The following ATAD2 variants were observed in gnomAD, a reference collection of about 807,000 sequenced individuals.
The protein encoded by ATAD2 is ATPase family AAA domain containing 2.
ATAD2 carries 62 observed loss-of-function variants against 168.9 expected under a neutral mutation model. The observed-to-expected ratio is 0.37, with a 90% CI of 0.30 to 0.45. The LOEUF (loss-of-function observed/expected upper bound fraction) is 0.45. ATAD2 is among the 20% of genes least tolerant of loss of function. The pLI is 1.00. For missense variants in ATAD2, 1,419 were observed against 1,667.8 expected (o/e 0.85, Z 2.60); for synonymous variants, 613 against 571.6 (o/e 1.07, Z -1.03).
intron 1 of ATAD2, among the ~76,000 whole-genome samples, chr8:123,404,565 C>CA (rs1813044613): frequency 7.0e-6 from 1 of 142,892 alleles, no homozygotes; most frequent in Non-Finnish European, 1.5e-5. Flanking sequence ...CTTTCTCTCT[C>CA]TTTTTTTTTT....
chr8:123,337,405 T>G (rs1453951324), intron 21 of ATAD2, among the ~76,000 whole-genome samples: 4 of 151,944 alleles, frequency 2.6e-5, no homozygotes, highest in Non-Finnish European at 4.4e-5. Context: ...ACTTCTGGAA[T>G]GTTTAGGTTG....
At position 123,357,697 on chromosome 8, in the gene ATAD2, A is replaced by T. The variant is rs761967405; in HGVS notation, c.1422T>A (p.Thr474=). ...CATTGGCAAGTGCTCTGGCAACCAG[A>T]GTCTTTCCAGTTCCAGGTGGCCCAT... The part of the protein sequence containing the change: ...LFYGPPGTGK[T]LVARALANEC... Residue 474 remains threonine, a synonymous_variant, in exon 12 of 28, where the codon ACT becomes ACA. Coordinates refer to ENST00000287394, the MANE Select transcript of ATAD2 (RefSeq NM_014109.4). The T allele has an allele frequency of 9.4e-5, 152 of 1,612,150 alleles. No individual in the cohort carries two copies. The highest frequency in any genetic ancestry group is 1.3e-4 in the Non-Finnish European group (149 of 1,179,436).
In ATAD2 at chr8:123,349,303, A is replaced by G; in HGVS notation, c.1788T>C (p.Phe596=). Residue 596 remains phenylalanine, a synonymous_variant, in exon 14 of 28, where the codon TTT becomes TTC. Coordinates refer to ENST00000287394, the MANE Select transcript of ATAD2 (RefSeq NM_014109.4). The stretch of plus-strand genomic sequence containing the variant: ...TTCTTACCTCTTTATCAGGCAGGCT[A>G]AAGAGGAATTCTCTATCAAAGCGAC... The part of the protein sequence containing the change: ...RPGRFDREFL[F]SLPDKEARKE... 1 of 1,613,818 alleles carries G rather than the reference A, an allele frequency of 6.2e-7. No individual in the cohort carries two copies.
chr8:123,347,156 A>T lies in ATAD2; in HGVS notation c.2148T>A (p.Ile716=). 6.2e-7 allele frequency: 1 copy of T among 1,614,164 alleles called. No homozygotes were observed. ...KPLLQNTVDK[I]LEALQRVFPH... ...GAAATACTCTCTGCAGGGCTTCTAA[A>T]ATCTTGTCAACAGTGTTTTGCAGGA... is the stretch of plus-strand genomic sequence containing the variant. Residue 716 remains isoleucine, a synonymous_variant, in exon 16 of 28, where the codon ATT becomes ATA. Transcript: ENST00000287394.
chr8:123,324,118 T>C (rs573324519), intron 26 of ATAD2, among the ~76,000 whole-genome samples: 51 of 152,342 alleles, frequency 3.3e-4, no homozygotes, highest in Non-Finnish European at 6.3e-4. Context: ...ATATATTTTT[T>C]AATAGAGTTT....
intron 19 of ATAD2, among the ~76,000 whole-genome samples, chr8:123,343,662 T>C (rs1306409744): frequency 6.6e-6 from 1 of 152,266 alleles, no homozygotes; most frequent in Admixed American, 6.5e-5. Context: ...ATGCTTGTTA[T>C]GTGCTCTATG....
intron 27 of ATAD2, 131 bp from the exon 28 acceptor site, chr8:123,321,306 A>G: frequency 1.3e-6 from 1 of 781,792 alleles, no homozygotes. Flanking sequence ...GTGAAAATAA[A>G]CATTCAGTTC....
At chr8:123,323,167 G>A in intron 26 of ATAD2, 101 bp from the exon 27 acceptor site, 1 of 1,270,330 alleles carries the variant, frequency 7.9e-7, no homozygotes, top group Middle Eastern at 2.8e-4. Flanking sequence ...CCTGACAGAG[G>A]GTAGACCAAG....
Position 123,371,792 on chromosome 8 carries a change from G to GAT in ATAD2, c.412_413dup (p.Val139SerfsTer30). The stretch of plus-strand genomic sequence containing the variant: ...CATGTAAGTGTTCTGTACTTTGAAC[G>GAT]ATGTTTCTAGCCCTCAATGACCGAG... On this transcript the variant is annotated frameshift_variant, in exon 4 of 28. Coordinates refer to ENST00000287394, the MANE Select transcript of ATAD2 (RefSeq NM_014109.4). LOFTEE classifies it high-confidence loss of function. The GAT allele has an allele frequency of 2.5e-6, 4 of 1,611,516 alleles. No individual in the cohort carries two copies. Among genetic ancestry groups the GAT allele is most frequent in the Non-Finnish European group, 3.4e-6 (4 of 1,179,204 alleles).
intron 19 of ATAD2, among the ~76,000 whole-genome samples, chr8:123,340,331 C>T (rs925332603): frequency 2.0e-5 from 3 of 152,114 alleles, no homozygotes; most frequent in African/African-American, 7.2e-5. Context: ...TAAGTGTGGG[C>T]TACAAGATAT....
intron 8 of ATAD2, among the ~76,000 whole-genome samples, chr8:123,364,823 T>G (rs888295637): frequency 2.6e-5 from 4 of 152,136 alleles, no homozygotes; most frequent in African/African-American, 9.7e-5. Flanking sequence ...AACGTAATAC[T>G]GAATGGGGAA....
chr8:123,335,674 T>C (rs958954682), intron 22 of ATAD2, among the ~76,000 whole-genome samples: 5 of 152,192 alleles, frequency 3.3e-5, no homozygotes, highest in Non-Finnish European at 5.9e-5. Flanking sequence ...AAATCCTTTA[T>C]ACATTTTATT....
chr8:123,399,642 G>T (rs1812971611), upstream of ATAD2, among the ~76,000 whole-genome samples: 2 of 150,072 alleles, frequency 1.3e-5, no homozygotes, highest in Admixed American at 1.3e-4. Context: ...ATCACCTGAG[G>T]TCGGGAGTTC....
chr8:123,346,866 T>G (rs1355445174), intron 16 of ATAD2, 116 bp from the exon 17 acceptor site: 58 of 1,223,092 alleles, frequency 4.7e-5, no homozygotes, highest in Non-Finnish European at 6.6e-5. Context: ...TCAAAAATAT[T>G]TGTGTAGATA....
At chr8:123,410,709 A>G (rs190339178) in intron 1 of ATAD2, among the ~76,000 whole-genome samples, 1 of 152,160 alleles carries the variant, frequency 6.6e-6, no homozygotes, top group African/African-American at 2.4e-5. Context: ...AAATCTTGCT[A>G]CTGCACTCTT....
chr8:123,398,093 G>A (rs116804374), upstream of ATAD2, among the ~76,000 whole-genome samples: 211 of 152,154 alleles, frequency 1.4e-3, 1 homozygote, highest in African/African-American at 4.7e-3. Context: ...GACTTATTCC[G>A]ACTTTAAAAA....
At chr8:123,344,858 T>C (rs377497244) in intron 19 of ATAD2, 26 bp downstream of exon 19, 8 of 1,608,168 alleles carry the variant, frequency 5.0e-6, no homozygotes, top group Non-Finnish European at 6.8e-6. Context: ...TTTGAAAGTA[T>C]AATGATACCG....
At chr8:123,359,021 G>C (rs1828730431) in intron 11 of ATAD2, among the ~76,000 whole-genome samples, 200 bp downstream of exon 11, 1 of 151,946 alleles carries the variant, frequency 6.6e-6, no homozygotes, top group Non-Finnish European at 1.5e-5. Flanking sequence ...TTACTTTTAT[G>C]ATGGGGGGAA....
At chr8:123,354,244 T>C (rs1404179439) in intron 13 of ATAD2, among the ~76,000 whole-genome samples, 2 of 152,228 alleles carry the variant, frequency 1.3e-5, no homozygotes, top group African/African-American at 4.8e-5. Flanking sequence ...CTTATTTGCA[T>C]TATTCTACAG....
Sources: gnomAD v4.1 joint callset for allele counts (sites outside exome capture counted in the v4.1 genomes callset) on GRCh38, gnomAD v4.1.1 for gene constraint, MANE v1.5 for transcripts, NCBI Gene and HGNC (gene_info 2026-07-23, HGNC 2026-07-21) for gene names.